CYP2C19: variants seen among roughly 807,000 people sequenced by gnomAD.
The protein encoded by CYP2C19 is cytochrome P450 2C19.
A neutral mutation model predicts 40.9 loss-of-function variants in CYP2C19; 59 were observed. The ratio of observed to expected loss-of-function variants is 1.44; its 90% CI spans 1.17 to 1.79. The LOEUF (loss-of-function observed/expected upper bound fraction) is 1.79, where lower values mean the gene tolerates loss of function less well. CYP2C19 is among the 40% of genes most tolerant of loss of function. CYP2C19 has a pLI of 0.00. For missense variants in CYP2C19, 754 were observed against 596.9 expected (o/e 1.26, Z -2.74); for synonymous variants, 253 against 208.7 (o/e 1.21, Z -1.83).
chr10:94,835,203 C>T (rs780680697), intron 6 of CYP2C19, among the ~76,000 whole-genome samples: 3 of 152,164 alleles, frequency 2.0e-5, no homozygotes, highest in Non-Finnish European at 4.4e-5. Flanking sequence ...GTATGGCCTG[C>T]AGTGCCTTTG....
chr10:94,831,563 TG>T (rs1849335924), intron 6 of CYP2C19, among the ~76,000 whole-genome samples: 1 of 152,388 alleles, frequency 6.6e-6, no homozygotes, highest in African/African-American at 2.4e-5. Context: ...CACTAGCATT[TG>T]TTATTGCCTG....
chr10:94,771,769 C>T (rs1264193220), intron 1 of CYP2C19, among the ~76,000 whole-genome samples: 1 of 152,104 alleles, frequency 6.6e-6, no homozygotes, highest in Non-Finnish European at 1.5e-5. Context: ...ACTGATGCAG[C>T]AGCAGAAACA....
rs527533433 is a variant in CYP2C19 at position 94,854,859 on chromosome 10, G to T, written c.*1945G>T. On this transcript the variant is annotated 3_prime_UTR_variant, in exon 9 of 9. Transcript: ENST00000371321. ...CAGAGAGTTAATAGAAGAGAAAGTG[G>T]AAATGGGTATTACATTAATGGAAAG... 2.2e-4 allele frequency among the ~76,000 whole-genome samples: 33 copies of T among 152,192 alleles called. No individual in the cohort carries two copies. The highest frequency in any genetic ancestry group is 7.9e-4 in the African/African-American group (33 of 41,536).
chr10:94,784,664 C>T (rs759326119), intron 5 of CYP2C19, among the ~76,000 whole-genome samples: 12 of 151,814 alleles, frequency 7.9e-5, no homozygotes, highest in African/African-American at 2.7e-4. Flanking sequence ...TGCCTAGGCT[C>T]GAGTGCAGTA....
chr10:94,776,311 T>A (rs1041802741), intron 3 of CYP2C19: 1 of 152,190 alleles, frequency 6.6e-6, no homozygotes. Context: ...AATTTGGCTC[T>A]GTTTCATTTT....
chr10:94,829,963 G>A (rs1023858945), intron 6 of CYP2C19, among the ~76,000 whole-genome samples: 1 of 152,212 alleles, frequency 6.6e-6, no homozygotes, highest in African/African-American at 2.4e-5. Flanking sequence ...CAGTTAGGCT[G>A]CTCAGGGGTC....
chr10:94,826,617 G>A (rs1849227897), intron 6 of CYP2C19, among the ~76,000 whole-genome samples: 1 of 152,164 alleles, frequency 6.6e-6, no homozygotes, highest in Admixed American at 6.5e-5. Context: ...GAGACAATTT[G>A]ACTTCCTCTT....
At chr10:94,800,919 T>C (rs999738512) in intron 5 of CYP2C19, among the ~76,000 whole-genome samples, 3 of 152,138 alleles carry the variant, frequency 2.0e-5, no homozygotes, top group African/African-American at 7.2e-5. Context: ...CCAGGTATCA[T>C]CTCTCACGGC....
Position 94,853,040 on chromosome 10 carries a change from A to G in CYP2C19, c.*126A>G, listed in dbSNP as rs1000977542. 9.8e-7 allele frequency: 1 copy of G among 1,022,278 alleles called. No homozygotes were observed. The allele number at this position is 1,022,278 out of a possible 1,614,324, so 63.3% of individuals were successfully genotyped here. A position where few individuals can be genotyped will look rare whatever the true frequency, so the allele number is the denominator to read the frequency against. ...CACATTTTCCCTTCCCCCAAGATCT[A>G]GTGAACATTCAGCCTCCATTAAAAA... On this transcript the variant is annotated 3_prime_UTR_variant, in exon 9 of 9. Coordinates refer to ENST00000371321, the MANE Select transcript of CYP2C19 (RefSeq NM_000769.4).
At chr10:94,787,309 A>G (rs933889014) in intron 5 of CYP2C19, among the ~76,000 whole-genome samples, 7 of 151,902 alleles carry the variant, frequency 4.6e-5, no homozygotes, top group African/African-American at 9.7e-5. Flanking sequence ...TTGGAAGGAC[A>G]TATGTTCTTT....
chr10:94,842,991 T>C lies in CYP2C19; in HGVS notation c.1116T>C (p.Cys372=), dbSNP rs1360389605. 10 of 1,614,216 alleles carry C rather than the reference T, an allele frequency of 6.2e-6. No individual in the cohort carries two copies. The highest frequency in any genetic ancestry group is 7.6e-6 in the Non-Finnish European group (9 of 1,180,040). Reference sequence around the variant, plus strand: ...CCAGCCTGCCCCATGCAGTGACCTGTGACGTTAAATTCAGAAACTACCTCA... The same window carrying C: ...CCAGCCTGCCCCATGCAGTGACCTGCGACGTTAAATTCAGAAACTACCTCA... The part of the protein sequence containing the change: ...IPTSLPHAVT[C]DVKFRNYLIP... Residue 372 remains cysteine (C), a synonymous_variant, in exon 7 of 9, where the codon TGT becomes TGC. Transcript: ENST00000371321.
chr10:94,822,953 G>A (rs1849153024), intron 6 of CYP2C19, among the ~76,000 whole-genome samples: 1 of 151,316 alleles, frequency 6.6e-6, no homozygotes, highest in Non-Finnish European at 1.5e-5. Flanking sequence ...ATTTGTTTTA[G>A]TTTTTTATAG....
At chr10:94,840,963 G>T (rs1249516226) in intron 6 of CYP2C19, among the ~76,000 whole-genome samples, 8 of 152,218 alleles carry the variant, frequency 5.3e-5, no homozygotes, top group Admixed American at 3.3e-4. Flanking sequence ...AGTGAAAGTG[G>T]TCCAATATTA....
At chr10:94,783,349 G>A (rs555599929) in intron 5 of CYP2C19, among the ~76,000 whole-genome samples, 1 of 152,152 alleles carries the variant, frequency 6.6e-6, no homozygotes, top group East Asian at 1.9e-4. Flanking sequence ...CAGAAGAGGG[G>A]TTTCAGATGG....
intron 5 of CYP2C19, among the ~76,000 whole-genome samples, chr10:94,788,464 G>A (rs1848570292): frequency 6.6e-6 from 1 of 152,024 alleles, no homozygotes; most frequent in Non-Finnish European, 1.5e-5. Context: ...TGCTACATAG[G>A]TATATACGCA....
intron 5 of CYP2C19, among the ~76,000 whole-genome samples, chr10:94,803,915 G>C (rs572398731): frequency 5.8e-4 from 89 of 152,216 alleles, no homozygotes; most frequent in African/African-American, 2.1e-3. Context: ...GAGCAGAGAG[G>C]GCCCCCTTGC....
chr10:94,816,404 G>A (rs1323707595), intron 5 of CYP2C19, among the ~76,000 whole-genome samples: 1 of 151,980 alleles, frequency 6.6e-6, no homozygotes, highest in African/African-American at 2.4e-5. Flanking sequence ...AAAAGTGAGT[G>A]CTAATTAGAG....
chr10:94,794,317 C>T (rs1397990637), intron 5 of CYP2C19, among the ~76,000 whole-genome samples: 1 of 152,100 alleles, frequency 6.6e-6, no homozygotes, highest in East Asian at 1.9e-4. Context: ...CCAGGTGAGG[C>T]GATGCCCTGC....
Position 94,852,864 on chromosome 10 carries a change from G to T in CYP2C19, c.1423G>T (p.Gly475Ter). 6.2e-7 allele frequency: 1 copy of T among 1,614,034 alleles called. No homozygotes were observed. Among genetic ancestry groups the T allele is most frequent in the Non-Finnish European group, 8.5e-7 (1 of 1,179,964 alleles). Reference sequence around the variant, plus strand: ...CCTTGACACAACTCCTGTTGTCAATGGATTTGCTTCTGTCCCGCCCTTCTA... The same window carrying T: ...CCTTGACACAACTCCTGTTGTCAATTGATTTGCTTCTGTCCCGCCCTTCTA... ...KDLDTTPVVN[G>*]FASVPPFYQL... is the part of the protein sequence containing the mutation. The change falls in exon 9 of 9, where the codon GGA becomes TGA. Residue 475 changes from glycine (G) to a stop codon, truncating the protein, a stop_gained. Transcript: ENST00000371321. LOFTEE classifies it low-confidence loss of function (END_TRUNC).
Sources: allele counts gnomAD v4.1 joint callset (sites outside exome capture counted in the v4.1 genomes callset), GRCh38; gene constraint gnomAD v4.1.1; transcripts MANE v1.5; gene names NCBI Gene and HGNC (gene_info 2026-07-23, HGNC 2026-07-21).